The following SAMD8 variants were observed in gnomAD, a reference collection of about 807,000 sequenced individuals.
SAMD8 encodes the protein sterile alpha motif domain containing 8, also known as sphingomyelin synthase-related protein 1.
In SAMD8, 20 loss-of-function variants were observed where a neutral mutation model predicts 42.0. The observed-to-expected ratio is 0.48, with a 90% CI of 0.34 to 0.69. SAMD8 has a LOEUF of 0.69. SAMD8 is among the 30% of genes least tolerant of loss of function. SAMD8 has a pLI of 0.01. For synonymous variants in SAMD8, 162 were observed against 173.0 expected, an observed-to-expected ratio of 0.94 and a Z score of 0.50; for missense variants, 328 against 511.6, an observed-to-expected ratio of 0.64 and a Z score of 3.46.
chr10:75,105,759 C>A, intron 1 of SAMD8: 1 of 1,552,882 alleles, frequency 6.4e-7, no homozygotes. Flanking sequence ...GGTGCTGCCT[C>A]ACGGTGATCA....
intron 1 of SAMD8, among the ~76,000 whole-genome samples, chr10:75,129,339 C>G (rs1056428265): frequency 6.6e-6 from 1 of 152,142 alleles, no homozygotes; most frequent in Non-Finnish European, 1.5e-5. Flanking sequence ...CTCCCTGGTT[C>G]AAGTGATTCT....
intron 1 of SAMD8, among the ~76,000 whole-genome samples, chr10:75,118,147 G>A (rs1034418403): frequency 2.6e-5 from 4 of 152,232 alleles, no homozygotes; most frequent in Admixed American, 1.3e-4. Flanking sequence ...AGAGAATGAT[G>A]ATGTAACTGA....
At chr10:75,100,141 C>T (rs1231202017) in intron 1 of SAMD8, among the ~76,000 whole-genome samples, 13 of 152,142 alleles carry the variant, frequency 8.5e-5, no homozygotes, top group Admixed American at 8.5e-4. Flanking sequence ...ATGGGTGTGT[C>T]ACAGCCCAGC....
rs1564698612 is a variant in SAMD8 at position 75,176,646 on chromosome 10, G to A, written c.1202G>A (p.Cys401Tyr). Residue 401 changes from cysteine (C) to tyrosine (Y), a missense_variant, in exon 6 of 6, where the codon TGT becomes TAT. Cys to Tyr is a radical substitution (Grantham distance 194, BLOSUM62 -2). This residue lies in a region of SAMD8 where 178 missense variants were observed against 325.6 expected (regional missense o/e 0.55). Transcript: ENST00000542569. This position sits in a 1 kb window ranked among gnomAD's most constrained non-coding sequence, Gnocchi z 4.3. ...NVNGTVPNEY[C>Y]WPFSKPAIMK... Reference sequence around the variant, plus strand: ...AATGGCACAGTACCTAATGAATATTGTTGGCCATTTTCAAAACCAGCAATA... The same window carrying A: ...AATGGCACAGTACCTAATGAATATTATTGGCCATTTTCAAAACCAGCAATA... 2.6e-6 allele frequency: 4 copies of A among 1,542,660 alleles called. No individual in the cohort carries two copies. Among genetic ancestry groups the A allele is most frequent in the Middle Eastern group, 3.4e-4 (2 of 5,950 alleles).
At chr10:75,151,611 T>TA (rs1235976158) in intron 2 of SAMD8, among the ~76,000 whole-genome samples, 1 of 152,166 alleles carries the variant, frequency 6.6e-6, no homozygotes, top group African/African-American at 2.4e-5. Flanking sequence ...CTTGGCCTCT[T>TA]AAAGTGTTGG....
chr10:75,124,485 C>T (rs1043131362), intron 1 of SAMD8, among the ~76,000 whole-genome samples: 4 of 151,992 alleles, frequency 2.6e-5, no homozygotes, highest in East Asian at 2.0e-4. Flanking sequence ...TGGTGGCGCA[C>T]GCCTGTAGTT....
chr10:75,101,044 G>A (rs1272865161), intron 1 of SAMD8, among the ~76,000 whole-genome samples: 1 of 152,252 alleles, frequency 6.6e-6, no homozygotes. Context: ...GTGGCCACAG[G>A]CCATGTGGGG....
rs563135676 is a variant in SAMD8 at position 75,164,951 on chromosome 10, C to T, written c.674+211C>T. Reference sequence around the variant, plus strand: ...GTAATAATCCTGAATGCATTTTGCACGGAAAGATCAGAGATGCCCTATGGC... The same window carrying T: ...GTAATAATCCTGAATGCATTTTGCATGGAAAGATCAGAGATGCCCTATGGC... On this transcript the variant is annotated intron_variant, in intron 3 of 5. Coordinates refer to ENST00000542569, the MANE Select transcript of SAMD8 (RefSeq NM_001174156.2). 9.9e-5 allele frequency among the ~76,000 whole-genome samples: 15 copies of T among 152,282 alleles called. No homozygotes were observed. In the South Asian group the frequency reaches 1.7e-3, roughly 17 times the overall value.
rs1259683455 is a variant in SAMD8 at position 75,175,847 on chromosome 10, T to A, written c.793-219T>A. The stretch of plus-strand genomic sequence containing the variant: ...TACAGGCATGAGCCACTGTGCCCAG[T>A]CTGATTTCATTTAATTACCAAAATA... On this transcript the variant is annotated intron_variant, in intron 4 of 5. Transcript: ENST00000542569. The A allele has an allele frequency of 4.1e-6, 4 of 984,306 alleles. No homozygotes were observed. In the East Asian group the frequency reaches 4.5e-4, roughly 112 times the overall value. The allele number at this position is 984,306 out of a possible 1,614,324, so 61.0% of individuals were successfully genotyped here.
chr10:75,121,270 AG>A (rs1444281225), intron 1 of SAMD8, among the ~76,000 whole-genome samples: 1 of 152,196 alleles, frequency 6.6e-6, no homozygotes, highest in Admixed American at 6.5e-5. Flanking sequence ...GTAAATCCTC[AG>A]TTTGAACCTA....
chr10:75,121,161 A>T (rs1178951524), intron 1 of SAMD8, among the ~76,000 whole-genome samples: 1 of 152,198 alleles, frequency 6.6e-6, no homozygotes, highest in African/African-American at 2.4e-5. Flanking sequence ...CAATCTTCAC[A>T]ACAAGCCTAT....
intron 4 of SAMD8, among the ~76,000 whole-genome samples, chr10:75,173,847 G>C (rs942701096): frequency 1.3e-5 from 2 of 152,126 alleles, no homozygotes; most frequent in African/African-American, 4.8e-5. Flanking sequence ...ATAGGGCTTT[G>C]GAATTGGGTT....
At chr10:75,110,567 G>A (rs1050374743), upstream of SAMD8, among the ~76,000 whole-genome samples, 5 of 152,154 alleles carry the variant, frequency 3.3e-5, no homozygotes, top group East Asian at 1.9e-4. Context: ...AAGTCGGCCC[G>A]GCACTGTGTG....
intron 3 of SAMD8, among the ~76,000 whole-genome samples, chr10:75,165,967 AC>A (rs935865222): frequency 7.5e-6 from 1 of 132,648 alleles, no homozygotes; most frequent in African/African-American, 3.0e-5. Context: ...ACAGAGCCAG[AC>A]CCTGTCTCCA....
chr10:75,119,079 C>T (rs529101715), intron 1 of SAMD8, among the ~76,000 whole-genome samples: 1 of 151,810 alleles, frequency 6.6e-6, no homozygotes, highest in South Asian at 2.1e-4. Context: ...GGATATGGAT[C>T]TTAATTTTTT....
intron 2 of SAMD8, among the ~76,000 whole-genome samples, chr10:75,161,120 A>AGT (rs1221559211): frequency 6.6e-6 from 1 of 152,178 alleles, no homozygotes; most frequent in African/African-American, 2.4e-5. Flanking sequence ...ACAGAAGACT[A>AGT]GTGGTCTGTT....
In SAMD8 at chr10:75,114,925, T is replaced by C. The variant is rs117637115; in HGVS notation, c.-16+3203T>C. Among the ~76,000 whole-genome samples, 669 of 152,334 alleles carry C rather than the reference T, an allele frequency of 4.4e-3. 1 individual carries two copies. Among genetic ancestry groups the C allele is most frequent in the Non-Finnish European group, 6.8e-3 (461 of 68,028 alleles). On this transcript the variant is annotated intron_variant, in intron 1 of 5. Coordinates refer to ENST00000542569, the MANE Select transcript of SAMD8 (RefSeq NM_001174156.2). Reference sequence around the variant, plus strand: ...ACGAGATATGAATACAATTGCATATTCTGCTAAATTACCTATGAAGCTCTT... The same window carrying C: ...ACGAGATATGAATACAATTGCATATCCTGCTAAATTACCTATGAAGCTCTT...
chr10:75,176,375 G>A lies in SAMD8; in HGVS notation c.944-13G>A, dbSNP rs924902301. The A allele has an allele frequency of 6.4e-7, 1 of 1,564,066 alleles. No individual in the cohort carries two copies. Among genetic ancestry groups the A allele is most frequent in the Non-Finnish European group, 8.7e-7 (1 of 1,155,674 alleles). ...AATGTAGCTTTAAAATGATCTTTCT[G>A]TCCTTTTCCTAGATACACCAAGAAG... On this transcript the variant is annotated splice_polypyrimidine_tract_variant and intron_variant, in intron 5 of 5. Coordinates refer to ENST00000542569, the MANE Select transcript of SAMD8 (RefSeq NM_001174156.2). This position sits in a 1 kb window ranked among gnomAD's most constrained non-coding sequence, Gnocchi z 4.3.
chr10:75,136,578 AAGAG>A (rs1839890773), intron 1 of SAMD8, among the ~76,000 whole-genome samples: 1 of 152,196 alleles, frequency 6.6e-6, no homozygotes, highest in Admixed American at 6.6e-5. Context: ...GTTCACTTGC[AAGAG>A]AGAGAAACTT....
Sources: allele counts gnomAD v4.1 joint callset (sites outside exome capture counted in the v4.1 genomes callset), GRCh38; gene constraint gnomAD v4.1.1; regional missense constraint gnomAD v4.1.1; non-coding constraint Gnocchi (gnomAD v3.1); transcripts MANE v1.5; gene names NCBI Gene and HGNC (gene_info 2026-07-23, HGNC 2026-07-21).